Variants in YJU2B observed in about 807,000 individuals in gnomAD.
The protein encoded by YJU2B is YJU2 splicing factor homolog B, also known as probable splicing factor YJU2B.
YJU2B carries 18 observed loss-of-function variants against 38.0 expected under a neutral mutation model. That is an observed-to-expected ratio of 0.47 (90% CI 0.33 to 0.70). The LOEUF (loss-of-function observed/expected upper bound fraction) is 0.70. Among genes scored for constraint, YJU2B ranks in the 30% least tolerant of loss-of-function variants. The pLI, the probability that YJU2B is intolerant of heterozygous loss-of-function variation, is 0.02. For synonymous variants in YJU2B, 246 were observed against 225.4 expected, an observed-to-expected ratio of 1.09 and a Z score of -0.82; for missense variants, 538 against 556.3, an observed-to-expected ratio of 0.97 and a Z score of 0.33.
Position 13,756,215 on chromosome 19 carries a change from TACC to T in YJU2B, c.79_81del (p.His27del), listed in dbSNP as rs1264838759. ...CACACAGCATGGCTCTCTCAACCGA[TACC>T]ACAACAGCCACCCGCTTCGGGAGCG... On this transcript the variant is annotated inframe_deletion, in exon 4 of 10. Coordinates refer to ENST00000221554, the MANE Select transcript of YJU2B (RefSeq NM_030818.4). The T allele has an allele frequency of 6.2e-7, 1 of 1,614,002 alleles. No homozygotes were observed. Among genetic ancestry groups the T allele is most frequent in the East Asian group, 2.2e-5 (1 of 44,858 alleles).
upstream of YJU2B, among the ~76,000 whole-genome samples, chr19:13,746,491 C>T (rs1973253824): frequency 6.6e-6 from 1 of 152,178 alleles, no homozygotes; most frequent in Non-Finnish European, 1.5e-5. Context: ...AATGGCTTCC[C>T]TTCACCTTTA....
At chr19:13,745,716 T>TAG (rs1568281055), upstream of YJU2B, among the ~76,000 whole-genome samples, 2 of 93,274 alleles carry the variant, frequency 2.1e-5, no homozygotes, top group South Asian at 3.5e-4. Context: ...TATCTATAGA[T>TAG]CTATAGATAT....
In YJU2B at chr19:13,762,697, A is replaced by G. The variant is rs770567440; in HGVS notation, c.820A>G (p.Lys274Glu). The G allele has an allele frequency of 3.9e-5, 63 of 1,604,338 alleles. No individual in the cohort carries two copies. The highest frequency in any genetic ancestry group is 5.3e-5 in the Non-Finnish European group (62 of 1,179,126). ...CAGCAAGGTCAGCGGCGTCCTGAAG[A>G]AGCTGGCACAGAGCCGCAGAACCGC... ...SSSKVSGVLK[K>E]LAQSRRTALA... Residue 274 changes from lysine (K) to glutamate (E), a missense_variant, in exon 10 of 10, where the codon AAG becomes GAG. Physicochemically the swap from Lys to Glu is moderately conservative, Grantham distance 56 (BLOSUM62 1). This residue lies in a region of YJU2B where 488 missense variants were observed against 469.5 expected (regional missense o/e 1.04). Coordinates refer to ENST00000221554, the MANE Select transcript of YJU2B (RefSeq NM_030818.4).
upstream of YJU2B, among the ~76,000 whole-genome samples, chr19:13,743,580 GA>G (rs35952396): frequency 2.9e-5 from 4 of 137,580 alleles, no homozygotes; most frequent in South Asian, 4.6e-4. Context: ...TCAGTCTCAG[GA>G]AAAAAAAAAG....
chr19:13,760,492 G>C (rs148872117), intron 8 of YJU2B, among the ~76,000 whole-genome samples: 3 of 152,126 alleles, frequency 2.0e-5, no homozygotes, highest in Non-Finnish European at 4.4e-5. Flanking sequence ...TGAGGATTAA[G>C]CTTCAACATA....
At chr19:13,742,622 C>G (rs1973124792) in intron 2 of YJU2B, among the ~76,000 whole-genome samples, 1 of 152,174 alleles carries the variant, frequency 6.6e-6, no homozygotes. Flanking sequence ...CAGAACTGGC[C>G]TGCATTTGGT....
chr19:13,742,338 T>C (rs557019697), intron 2 of YJU2B, among the ~76,000 whole-genome samples: 11 of 135,698 alleles, frequency 8.1e-5, no homozygotes, highest in Admixed American at 5.1e-4. Flanking sequence ...GGAGTCTCAC[T>C]GTCGCCAGCG....
intron 1 of YJU2B, among the ~76,000 whole-genome samples, chr19:13,750,527 G>A (rs535938943): frequency 1.2e-4 from 18 of 152,030 alleles, no homozygotes; most frequent in Middle Eastern, 3.4e-3. Flanking sequence ...GCACCTGGCC[G>A]GATGAGGTCT....
chr19:13,741,995 G>A (rs973153032), intron 2 of YJU2B, among the ~76,000 whole-genome samples: 1 of 152,148 alleles, frequency 6.6e-6, no homozygotes, highest in Non-Finnish European at 1.5e-5. Context: ...CTAAAAATTG[G>A]CATCATGTCC....
intron 9 of YJU2B, 56 bp downstream of exon 9, chr19:13,762,493 TG>T (rs1038678135): frequency 3.1e-6 from 5 of 1,591,794 alleles, no homozygotes; most frequent in African/African-American, 1.3e-5. Flanking sequence ...TGCCTGGAGA[TG>T]GGGGGTCCTC....
chr19:13,736,254 CT>C (rs60385996), intron 2 of YJU2B, among the ~76,000 whole-genome samples: 1,591 of 104,178 alleles, frequency 0.015, 11 homozygotes, highest in African/African-American at 0.049. Flanking sequence ...TTCTTTCTTT[CT>C]TTTTTTTTTT....
Position 13,762,369 on chromosome 19 carries a change from T to G in YJU2B, c.644T>G (p.Ile215Ser). ...TTGCAGGCCAAGGCGAGCCTGACCA[T>G]CCCGCTGGTGCCCGAGACGGAAGAT... ...QALQAKASLTIPLVPETEDDR... is the reference protein window; with the variant it reads ...QALQAKASLTSPLVPETEDDR... Residue 215 changes from isoleucine (I) to serine (S), a missense_variant, in exon 9 of 10, where the codon ATC (isoleucine) becomes AGC (serine). Physicochemically the swap from Ile to Ser is moderately radical, Grantham distance 142. Transcript: ENST00000221554. 1 of 1,613,804 alleles carries G rather than the reference T, an allele frequency of 6.2e-7. No individual in the cohort carries two copies.
intron 2 of YJU2B, among the ~76,000 whole-genome samples, chr19:13,737,475 C>A (rs1250926994): frequency 6.6e-6 from 1 of 151,186 alleles, no homozygotes; most frequent in Non-Finnish European, 1.5e-5. Context: ...CCTAATCCAA[C>A]AACTGCAGAG....
chr19:13,732,613 T>C lies in YJU2B; in HGVS notation c.-202+328T>C, dbSNP rs560315897. 5.5e-5 allele frequency: 8 copies of C among 146,192 alleles called. 1 individual carries two copies. Among genetic ancestry groups the C allele is most frequent in the African/African-American group, 2.0e-4 (8 of 40,096 alleles). 9.1% of individuals were successfully genotyped at this position (146,192 alleles called of 1,614,324 possible). ...AAAAAAAGTGCATACTTTCTTTCTT[T>C]TTTTTTTTTTTTTTGCGACAGAGTC... On this transcript the variant is annotated intron_variant, in intron 2 of 10. Coordinates refer to the YJU2B transcript ENST00000586600.
chr19:13,755,865 G>A (rs1416168489), intron 3 of YJU2B, among the ~76,000 whole-genome samples: 1 of 152,132 alleles, frequency 6.6e-6, no homozygotes, highest in Non-Finnish European at 1.5e-5. Context: ...GCCTGAGGCA[G>A]GAGAATCACT....
chr19:13,749,632 C>CTTTTTTTTT (rs71170557), intron 1 of YJU2B, among the ~76,000 whole-genome samples: 1 of 130,336 alleles, frequency 7.7e-6, no homozygotes, highest in Non-Finnish European at 1.6e-5. Flanking sequence ...GAACTTCTTT[C>CTTTTTTTTT]TTTTTTTTTT....
At chr19:13,744,839 A>C (rs908174236), upstream of YJU2B, among the ~76,000 whole-genome samples, 3 of 152,140 alleles carry the variant, frequency 2.0e-5, no homozygotes, top group African/African-American at 4.8e-5. Context: ...TAAAAATACA[A>C]AAAATTAGCC....
At chr19:13,749,693 C>T (rs1221886168) in intron 1 of YJU2B, among the ~76,000 whole-genome samples, 6 of 142,388 alleles carry the variant, frequency 4.2e-5, no homozygotes, top group South Asian at 4.5e-4. Flanking sequence ...AGTGTGGTGG[C>T]GCAATCTTTG....
At chr19:13,760,777 T>C (rs1973858379) in intron 8 of YJU2B, among the ~76,000 whole-genome samples, 1 of 151,578 alleles carries the variant, frequency 6.6e-6, no homozygotes, top group South Asian at 2.1e-4. Context: ...GTTTTTTGTG[T>C]TTTGTTTTTG....
Sources: allele counts gnomAD v4.1 joint callset (sites outside exome capture counted in the v4.1 genomes callset), GRCh38; gene constraint gnomAD v4.1.1; regional missense constraint gnomAD v4.1.1; transcripts MANE v1.5; gene names NCBI Gene and HGNC (gene_info 2026-07-23, HGNC 2026-07-21).